PPP2R2B: variants seen among roughly 807,000 people sequenced by gnomAD.
PPP2R2B encodes the protein protein phosphatase 2 regulatory subunit Bbeta.
A neutral mutation model predicts 46.0 loss-of-function variants in PPP2R2B; 5 were observed. The ratio of observed to expected loss-of-function variants is 0.11; its 90% CI spans 0.06 to 0.23. The LOEUF (loss-of-function observed/expected upper bound fraction) is 0.23, where lower values mean the gene tolerates loss of function less well. Ranked by LOEUF, PPP2R2B falls within the 10% of genes least tolerant of loss-of-function variation. The pLI, the probability that PPP2R2B is intolerant of heterozygous loss-of-function variation, is 1.00. For missense variants in PPP2R2B, 367 were observed against 575.0 expected (o/e 0.64, Z 3.70); for synonymous variants, 215 against 206.7 (o/e 1.04, Z -0.34).
chr5:146,956,308 A>G (rs139096891), intron 1 of PPP2R2B, among the ~76,000 whole-genome samples: 1 of 152,120 alleles, frequency 6.6e-6, no homozygotes, highest in Non-Finnish European at 1.5e-5. Flanking sequence ...CATGAATGGA[A>G]AAAACTTTGC....
chr5:146,600,126 G>A (rs73317456), intron 8 of PPP2R2B, among the ~76,000 whole-genome samples, 165 bp downstream of exon 8: 4 of 152,092 alleles, frequency 2.6e-5, no homozygotes, highest in Non-Finnish European at 5.9e-5. Flanking sequence ...CACATGTACC[G>A]TTATCTTAAA....
chr5:146,857,166 C>A (rs746941153), intron 2 of PPP2R2B, among the ~76,000 whole-genome samples: 3 of 152,044 alleles, frequency 2.0e-5, no homozygotes, highest in African/African-American at 7.2e-5. Context: ...TGCTCTGGTG[C>A]AGAACAACTT....
At chr5:147,019,902 G>A (rs1173819726) in intron 1 of PPP2R2B, among the ~76,000 whole-genome samples, 1 of 152,090 alleles carries the variant, frequency 6.6e-6, no homozygotes, top group Non-Finnish European at 1.5e-5. Context: ...CTCGTTTCAA[G>A]GAAAACATGC....
At chr5:146,790,021 A>G (rs947480872) in intron 2 of PPP2R2B, among the ~76,000 whole-genome samples, 1 of 152,230 alleles carries the variant, frequency 6.6e-6, no homozygotes, top group Non-Finnish European at 1.5e-5. Context: ...TCACAACACA[A>G]GGGCCTTGAC....
At chr5:146,687,946 G>T (rs1778612812) in intron 5 of PPP2R2B, among the ~76,000 whole-genome samples, 1 of 152,170 alleles carries the variant, frequency 6.6e-6, no homozygotes, top group Admixed American at 6.5e-5. Context: ...AGACACAATT[G>T]CTGGCAATGC....
intron 4 of PPP2R2B, among the ~76,000 whole-genome samples, chr5:146,694,232 T>C (rs1779045694): frequency 6.6e-6 from 1 of 152,194 alleles, no homozygotes; most frequent in Non-Finnish European, 1.5e-5. Context: ...CTGCTAAGTG[T>C]ATGATTTGTG....
chr5:146,771,732 T>C lies in PPP2R2B; in HGVS notation c.71-70590A>G, dbSNP rs370227677. ...AGAAACTCTCCAAACAATTTTTCTATTTTTCTTCGGTATATAGCTAATCTG... is the reference window on the plus strand; with the variant it reads ...AGAAACTCTCCAAACAATTTTTCTACTTTTCTTCGGTATATAGCTAATCTG... On this transcript the variant is annotated intron_variant, in intron 2 of 9. Coordinates refer to ENST00000394411, the MANE Select transcript of PPP2R2B (RefSeq NM_181675.4). Among the ~76,000 whole-genome samples the C allele has an allele frequency of 1.4e-4, 21 of 152,318 alleles. No individual in the cohort carries two copies. The South Asian group carries it at 4.3e-3, about 32-fold the overall frequency.
Position 146,650,685 on chromosome 5 carries a change from T to C in PPP2R2B, c.487A>G (p.Thr163Ala). ...LRPMDLMVEA[T>A]PRRVFANAHT... ...GCGTTGGCAAATACTCTTCGTGGGG[T>C]GGCCTCCACCATCAGGTCCATGGGT... The change falls in exon 6 of 10, where the codon ACC becomes GCC. Residue 163 changes from threonine to alanine, a missense_variant. By Grantham distance (58) the Thr-to-Ala change is moderately conservative. This residue lies in a region of PPP2R2B where 361 missense variants were observed against 545.5 expected (regional missense o/e 0.66). Coordinates refer to ENST00000394411, the MANE Select transcript of PPP2R2B (RefSeq NM_181675.4). The C allele has an allele frequency of 3.1e-6, 5 of 1,613,966 alleles. No homozygotes were observed. In the South Asian group the frequency reaches 3.3e-5, roughly 11 times the overall value.
chr5:147,073,867 C>G (rs1757677801), intron 2 of PPP2R2B, among the ~76,000 whole-genome samples: 3 of 151,968 alleles, frequency 2.0e-5, no homozygotes, highest in South Asian at 4.2e-4. Flanking sequence ...GAAACCCCAT[C>G]TTTACTAAAA....
chr5:146,635,464 A>G (rs1348446491), intron 7 of PPP2R2B, among the ~76,000 whole-genome samples: 1 of 152,120 alleles, frequency 6.6e-6, no homozygotes, highest in African/African-American at 2.4e-5. Flanking sequence ...TGTTCAGTTC[A>G]TCAAGCTTCC....
intron 2 of PPP2R2B, among the ~76,000 whole-genome samples, chr5:146,856,206 A>ACT (rs1760654763): frequency 6.6e-6 from 1 of 151,996 alleles, no homozygotes; most frequent in Admixed American, 6.6e-5. Context: ...TTTAGCCAAC[A>ACT]CTCTCTCTCC....
At chr5:146,930,401 C>G (rs924835187) in intron 1 of PPP2R2B, among the ~76,000 whole-genome samples, 1 of 152,180 alleles carries the variant, frequency 6.6e-6, no homozygotes, top group African/African-American at 2.4e-5. Context: ...CTAAATAACA[C>G]TAACCCCTCT....
At position 146,581,024 on chromosome 5, in the gene PPP2R2B, A is replaced by T. The variant is rs1348981030; in HGVS notation, c.*8923T>A. 2 of 152,124 alleles carry T rather than the reference A, an allele frequency of 1.3e-5. No individual in the cohort carries two copies. Among genetic ancestry groups the T allele is most frequent in the Non-Finnish European group, 2.9e-5 (2 of 68,020 alleles). The allele number at this position is 152,124 out of a possible 1,614,324, so 9.4% of individuals were successfully genotyped here. A position where few individuals can be genotyped will look rare whatever the true frequency, so the allele number is the denominator to read the frequency against. ...TCTCGGTTTCTATGATATTTGTCTG[A>T]TCTTCAATGAATGTATTAATTCTCG... On this transcript the variant is annotated 3_prime_UTR_variant, in exon 10 of 10. Coordinates refer to ENST00000394411, the MANE Select transcript of PPP2R2B (RefSeq NM_181675.4).
chr5:146,650,397 G>A (rs1445302918), intron 6 of PPP2R2B, 150 bp downstream of exon 6: 3 of 645,562 alleles, frequency 4.6e-6, no homozygotes, highest in Middle Eastern at 2.7e-4. Flanking sequence ...TATGATTAAA[G>A]AGTCTCATAG....
chr5:146,675,819 CTT>C (rs1491482013), intron 5 of PPP2R2B, among the ~76,000 whole-genome samples: 2 of 151,632 alleles, frequency 1.3e-5, no homozygotes, highest in Non-Finnish European at 2.9e-5. Context: ...ACCTCAGTCA[CTT>C]CTCTCTCTCT....
chr5:146,878,435 T>C lies in PPP2R2B; in HGVS notation c.-125+156A>G, dbSNP rs950577768. 8.3e-5 allele frequency: 112 copies of C among 1,343,184 alleles called. No homozygotes were observed. The highest frequency in any genetic ancestry group is 1.0e-4 in the Non-Finnish European group (104 of 1,033,704). The allele number at this position is 1,343,184 out of a possible 1,614,324, so 83.2% of individuals were successfully genotyped here. On this transcript the variant is annotated intron_variant, in intron 1 of 9. Coordinates refer to ENST00000394411, the MANE Select transcript of PPP2R2B (RefSeq NM_181675.4). This position sits in a 1 kb window ranked among gnomAD's most constrained non-coding sequence, Gnocchi z 4.5. Reference sequence around the variant, plus strand: ...CCCCGGAGGCGCTCACAAGCGGGTCTGGGGAGATGCCCAACAGGTTCCCCT... The same window carrying C: ...CCCCGGAGGCGCTCACAAGCGGGTCCGGGGAGATGCCCAACAGGTTCCCCT...
chr5:146,737,965 C>T (rs569331847), intron 2 of PPP2R2B, among the ~76,000 whole-genome samples: 1 of 151,002 alleles, frequency 6.6e-6, no homozygotes, highest in Non-Finnish European at 1.5e-5. Context: ...ACAAAAAAAA[C>T]GTTGTTAGAA....
chr5:146,924,591 A>G (rs968197863), intron 1 of PPP2R2B, among the ~76,000 whole-genome samples: 5 of 152,190 alleles, frequency 3.3e-5, no homozygotes, highest in African/African-American at 9.7e-5. Flanking sequence ...AGCTTCATAG[A>G]TGAACAACTT....
intron 6 of PPP2R2B, 57 bp downstream of exon 6, chr5:146,650,490 C>T (rs1487960864): frequency 2.5e-5 from 38 of 1,508,776 alleles, no homozygotes; most frequent in South Asian, 1.4e-4. Context: ...CCAGCCCACT[C>T]GCACCTGAAT....
Sources: gnomAD v4.1 joint callset for allele counts (sites outside exome capture counted in the v4.1 genomes callset) on GRCh38, gnomAD v4.1.1 for gene constraint, gnomAD v4.1.1 regional missense constraint, Gnocchi (gnomAD v3.1) non-coding constraint, MANE v1.5 for transcripts, NCBI Gene and HGNC (gene_info 2026-07-23, HGNC 2026-07-21) for gene names.